Variants in CLDN14 observed in about 807,000 individuals in gnomAD.
CLDN14 encodes the protein claudin-14.
In CLDN14, 2 loss-of-function variants were observed where a neutral mutation model predicts 2.1. That is an observed-to-expected ratio of 0.96 (90% CI 0.39 to 3.01). The LOEUF is 3.01. Among genes scored for constraint, CLDN14 ranks in the 30% most tolerant of loss-of-function variants. The pLI, the probability that CLDN14 is intolerant of heterozygous loss-of-function variation, is 0.09. For missense variants in CLDN14, 298 were observed against 328.0 expected (o/e 0.91, Z 0.71); for synonymous variants, 136 against 154.4 (o/e 0.88, Z 0.88).
intron 1 of CLDN14, among the ~76,000 whole-genome samples, chr21:36,555,862 A>T (rs1318042613): frequency 3.8e-4 from 54 of 142,924 alleles, no homozygotes; most frequent in African/African-American, 1.2e-3. Flanking sequence ...AGAGAGAGAG[A>T]GTGTGTGTGT....
chr21:36,525,457 A>G (rs1018545723), intron 1 of CLDN14, among the ~76,000 whole-genome samples: 1 of 152,196 alleles, frequency 6.6e-6, no homozygotes, highest in East Asian at 1.9e-4. Flanking sequence ...AGGCCAGGGT[A>G]ATAGGGCAGT....
At chr21:36,575,984 C>T (rs2087738841) in intron 1 of CLDN14, among the ~76,000 whole-genome samples, 2 of 152,180 alleles carry the variant, frequency 1.3e-5, no homozygotes, top group East Asian at 1.9e-4. Context: ...CTTTGGAAAT[C>T]GATCTTGCTA....
chr21:36,497,995 A>C (rs2087053983), intron 2 of CLDN14, among the ~76,000 whole-genome samples: 1 of 150,454 alleles, frequency 6.6e-6, no homozygotes, highest in Non-Finnish European at 1.5e-5. Flanking sequence ...TGTCAGCGAG[A>C]GGAAGATGCT....
chr21:36,545,956 C>A (rs1401628041), intron 1 of CLDN14, among the ~76,000 whole-genome samples: 1 of 152,180 alleles, frequency 6.6e-6, no homozygotes, highest in South Asian at 2.1e-4. Context: ...GCCCTCCCTC[C>A]AGCAAGAGCG....
intron 1 of CLDN14, among the ~76,000 whole-genome samples, chr21:36,463,628 G>A (rs2086608251): frequency 6.6e-6 from 1 of 152,190 alleles, no homozygotes; most frequent in African/African-American, 2.4e-5. Flanking sequence ...CAGGAGAATC[G>A]CTTGAACCGG....
At chr21:36,526,677 C>T (rs2087333048) in intron 1 of CLDN14, 1 of 152,298 alleles carries the variant, frequency 6.6e-6, no homozygotes, top group Non-Finnish European at 1.5e-5. Context: ...TTCAAATAAA[C>T]TTTAAATCCC....
chr21:36,551,171 T>C lies in CLDN14; in HGVS notation c.-220+25240A>G, dbSNP rs366381. 0.74 allele frequency among the ~76,000 whole-genome samples: 112,376 copies of C among 152,160 alleles called. 42,920 individuals are homozygous for C. Among genetic ancestry groups the C allele is most frequent in the Non-Finnish European group, 0.85 (57,992 of 68,014 alleles). On this transcript the variant is annotated intron_variant, in intron 1 of 2. Coordinates refer to the CLDN14 transcript ENST00000342108. This position sits in a 1 kb window ranked among gnomAD's most constrained non-coding sequence, Gnocchi z 4.8. ...TACCCCGCAATTTCGGACTTCCTGT[T>C]CCCAGACCTGTGAGACAATAAATCT...
intron 1 of CLDN14, among the ~76,000 whole-genome samples, chr21:36,524,819 G>A (rs1331911108): frequency 1.3e-5 from 2 of 152,202 alleles, no homozygotes; most frequent in African/African-American, 2.4e-5. Flanking sequence ...TGTGACTCAC[G>A]GAGGGACGGG....
At chr21:36,572,615 T>C (rs1039799773) in intron 1 of CLDN14, among the ~76,000 whole-genome samples, 1 of 152,230 alleles carries the variant, frequency 6.6e-6, no homozygotes, top group African/African-American at 2.4e-5. Flanking sequence ...CTGGCTAAAT[T>C]CCTTTTTCTA....
intron 1 of CLDN14, among the ~76,000 whole-genome samples, chr21:36,546,887 C>T (rs907950408): frequency 6.6e-6 from 1 of 152,098 alleles, no homozygotes; most frequent in African/African-American, 2.4e-5. Flanking sequence ...ATGTTGCCTC[C>T]CCACCCCTAA....
At chr21:36,514,048 G>C (rs1000482894) in intron 1 of CLDN14, among the ~76,000 whole-genome samples, 12 of 151,798 alleles carry the variant, frequency 7.9e-5, no homozygotes, top group African/African-American at 7.3e-5. Context: ...GTAGAGACAG[G>C]GTTTCTCACG....
At chr21:36,463,452 C>T (rs555249911) in intron 1 of CLDN14, among the ~76,000 whole-genome samples, 16 of 152,352 alleles carry the variant, frequency 1.1e-4, no homozygotes, top group African/African-American at 3.6e-4. Context: ...CGGCTCACGC[C>T]TGTAATCCCA....
chr21:36,565,795 A>T (rs2087669132), intron 1 of CLDN14, among the ~76,000 whole-genome samples: 1 of 152,184 alleles, frequency 6.6e-6, no homozygotes, highest in African/African-American at 2.4e-5. Context: ...GGTGCTATAA[A>T]AAAGTTCTCT....
chr21:36,467,618 G>A (rs543139657), intron 1 of CLDN14, among the ~76,000 whole-genome samples: 3 of 151,012 alleles, frequency 2.0e-5, no homozygotes, highest in Admixed American at 1.3e-4. Context: ...GTGGTGGGGG[G>A]TGTCTCTAGT....
rs763489263 is a variant in CLDN14 at position 36,461,478 on chromosome 21, A to T, written c.218T>A (p.Leu73Gln). 6.2e-7 allele frequency: 1 copy of T among 1,613,436 alleles called. No homozygotes were observed. The highest frequency in any genetic ancestry group is 1.1e-5 in the South Asian group (1 of 91,088). Residue 73 changes from leucine (L) to glutamine (Q), a missense_variant, in exon 2 of 2, where the codon CTG (leucine) becomes CAG (glutamine). Leu to Gln is a moderately radical substitution (Grantham distance 113). Transcript: ENST00000399135. ...GCGGGCAGCCTGGAGGTCTTGGGGC[A>T]GCGCCAGCAGGGATCGGTAGATCTG... is the stretch of plus-strand genomic sequence containing the variant. ...QCQIYRSLLA[L>Q]PQDLQAARAL...
chr21:36,557,467 A>G (rs2087606764), intron 1 of CLDN14, among the ~76,000 whole-genome samples: 1 of 152,162 alleles, frequency 6.6e-6, no homozygotes, highest in Non-Finnish European at 1.5e-5. Context: ...CTTAAAAAAA[A>G]AATGCCATCC....
intron 1 of CLDN14, among the ~76,000 whole-genome samples, chr21:36,471,116 C>T (rs145082996): frequency 3.3e-5 from 5 of 152,202 alleles, no homozygotes; most frequent in African/African-American, 9.7e-5. Flanking sequence ...CACCTGTAAT[C>T]TCAACATTTG....
chr21:36,482,046 G>T (rs535653100), upstream of CLDN14, among the ~76,000 whole-genome samples: 1 of 152,222 alleles, frequency 6.6e-6, no homozygotes, highest in South Asian at 2.1e-4. Flanking sequence ...TCTTCTCTTG[G>T]CTCCTCCAAC....
chr21:36,539,845 T>C (rs1394939587), intron 1 of CLDN14, among the ~76,000 whole-genome samples: 1 of 150,840 alleles, frequency 6.6e-6, no homozygotes, highest in Non-Finnish European at 1.5e-5. Context: ...TGAGTGTGTG[T>C]GCAGAGTGAG....
Sources: gnomAD v4.1 joint callset for allele counts (sites outside exome capture counted in the v4.1 genomes callset) on GRCh38, gnomAD v4.1.1 for gene constraint, Gnocchi (gnomAD v3.1) non-coding constraint, MANE v1.5 for transcripts, NCBI Gene and HGNC (gene_info 2026-07-23, HGNC 2026-07-21) for gene names.